SVOPL: variants seen among roughly 807,000 people sequenced by gnomAD.
SVOPL encodes the protein SVOP like, also known as putative transporter SVOPL.
In SVOPL, 60 loss-of-function variants were observed where a neutral mutation model predicts 61.0. The ratio of observed to expected loss-of-function variants is 0.98; its 90% CI spans 0.80 to 1.22. SVOPL has a LOEUF of 1.22. Among genes scored for constraint, SVOPL ranks in the 50% most tolerant of loss-of-function variants. SVOPL has a pLI of 0.00. For synonymous variants in SVOPL, 279 were observed against 250.0 expected, an observed-to-expected ratio of 1.12 and a Z score of -1.09; for missense variants, 662 against 643.9, an observed-to-expected ratio of 1.03 and a Z score of -0.30.
At chr7:138,692,888 T>TAA (rs1034297569) in intron 1 of SVOPL, among the ~76,000 whole-genome samples, 1 of 152,112 alleles carries the variant, frequency 6.6e-6, no homozygotes, top group Admixed American at 6.6e-5. Context: ...CAATTACATA[T>TAA]AACAAAGGTG....
chr7:138,596,321 A>T, intron 15 of SVOPL, 96 bp downstream of exon 15: 2 of 961,546 alleles, frequency 2.1e-6, no homozygotes, highest in Non-Finnish European at 3.1e-6. Flanking sequence ...ATGAATTATT[A>T]GTTATTTTAA....
intron 14 of SVOPL, among the ~76,000 whole-genome samples, chr7:138,598,802 AAAC>A (rs1231861410): frequency 6.6e-6 from 1 of 152,234 alleles, no homozygotes; most frequent in Non-Finnish European, 1.5e-5. Flanking sequence ...ACTTAGGAAT[AAAC>A]AAGAAATGTA....
At chr7:138,662,735 A>G in intron 5 of SVOPL, 1 of 1,106,016 alleles carries the variant, frequency 9.0e-7, no homozygotes, top group Non-Finnish European at 1.1e-6. Context: ...TAACCAACCC[A>G]TGACTGCTTC....
chr7:138,665,199 C>T (rs185178566), intron 4 of SVOPL, among the ~76,000 whole-genome samples: 1,553 of 136,860 alleles, frequency 0.011, 21 homozygotes, highest in South Asian at 0.05. Context: ...CTGATTTAAG[C>T]AACACACAAA....
chr7:138,655,939 G>A (rs1306346926), intron 7 of SVOPL, among the ~76,000 whole-genome samples: 1 of 152,118 alleles, frequency 6.6e-6, no homozygotes, highest in Non-Finnish European at 1.5e-5. Flanking sequence ...TTTGAAAGAG[G>A]TTCTCTACTG....
At chr7:138,684,838 G>C (rs1385323015) in intron 1 of SVOPL, among the ~76,000 whole-genome samples, 7 of 152,070 alleles carry the variant, frequency 4.6e-5, no homozygotes, top group Admixed American at 3.3e-4. Flanking sequence ...CATTATTCAT[G>C]ATAGCCAAAA....
intron 8 of SVOPL, among the ~76,000 whole-genome samples, chr7:138,646,932 A>G (rs545972356): frequency 2.6e-5 from 4 of 152,316 alleles, no homozygotes; most frequent in Admixed American, 6.5e-5. Context: ...GATTCTCAGC[A>G]AAAGTGCACT....
Position 138,620,119 on chromosome 7 carries a change from G to GTTTTTTTTTTTTTTTTTT in SVOPL, c.1353+926_1353+927insAAAAAAAAAAAAAAAAAA, listed in dbSNP as rs375556204. Among the ~76,000 whole-genome samples, 16 of 114,588 alleles carry GTTTTTTTTTTTTTTTTTT rather than the reference G, an allele frequency of 1.4e-4. 2 individuals are homozygous for GTTTTTTTTTTTTTTTTTT. The highest frequency in any genetic ancestry group is 2.2e-4 in the Non-Finnish European group (12 of 54,722). 75.2% of individuals were successfully genotyped at this position (114,588 alleles called of 152,430 possible). A position where few individuals can be genotyped will look rare whatever the true frequency, so the allele number is the denominator to read the frequency against. ...TTTTTTTCTTTTTTGTTTTTTTTCT[G>GTTTTTTTTTTTTTTTTTT]TTTTGTTTTTTTTTTTTTTTTGAGA... On this transcript the variant is annotated intron_variant, in intron 14 of 15. Coordinates refer to ENST00000674285, the MANE Select transcript of SVOPL (RefSeq NM_001139456.2).
intron 13 of SVOPL, among the ~76,000 whole-genome samples, chr7:138,622,018 GTATCTATC>G (rs71179706): frequency 1.1e-3 from 24 of 22,718 alleles, no homozygotes; most frequent in Non-Finnish European, 1.5e-3. Flanking sequence ...ATCTATCTAT[GTATCTATC>G]TATCTATCTA....
chr7:138,659,567 C>T (rs1313289738), intron 6 of SVOPL, among the ~76,000 whole-genome samples: 2 of 151,992 alleles, frequency 1.3e-5, no homozygotes, highest in South Asian at 2.1e-4. Context: ...GTTGTCCTGC[C>T]CTTCCAGATG....
At chr7:138,637,438 A>C (rs546447291) in intron 9 of SVOPL, among the ~76,000 whole-genome samples, 6 of 25,438 alleles carry the variant, frequency 2.4e-4, no homozygotes, top group South Asian at 2.0e-3. Context: ...ATATATATAT[A>C]TATAGATAGA....
intron 1 of SVOPL, among the ~76,000 whole-genome samples, chr7:138,700,665 T>C (rs1392995647): frequency 7.4e-6 from 1 of 135,628 alleles, no homozygotes. Context: ...CTAAATCCTT[T>C]CTAACCCAGT....
intron 3 of SVOPL, among the ~76,000 whole-genome samples, chr7:138,674,353 T>G (rs1236788162): frequency 6.6e-6 from 1 of 151,954 alleles, no homozygotes; most frequent in African/African-American, 2.4e-5. Flanking sequence ...AATAAGGGCC[T>G]GAACAGGTGG....
At chr7:138,660,328 G>A (rs982428783) in intron 5 of SVOPL, 2 of 1,047,404 alleles carry the variant, frequency 1.9e-6, no homozygotes, top group Non-Finnish European at 2.3e-6. Flanking sequence ...AGTATGTTGG[G>A]AGGAGTACAA....
Position 138,649,055 on chromosome 7 carries a change from C to G in SVOPL, c.617G>C (p.Arg206Pro). Residue 206 changes from arginine (R) to proline (P), a missense_variant, in exon 8 of 16, where the codon CGC becomes CCC. Arg to Pro is a moderately radical substitution (Grantham distance 103, BLOSUM62 -2). Transcript: ENST00000674285. Reference sequence around the variant, plus strand: ...GATGATGCCCGGGATGGAGGCGACGCGAATGAGCCAGCGCCACCCGATGGT... The same window carrying G: ...GATGATGCCCGGGATGGAGGCGACGGGAATGAGCCAGCGCCACCCGATGGT... The part of the protein sequence containing the change: ...IPTIGWRWLI[R>P]VASIPGIILI... 6.2e-7 allele frequency: 1 copy of G among 1,613,754 alleles called. No individual in the cohort carries two copies. Among genetic ancestry groups the G allele is most frequent in the Middle Eastern group, 1.7e-4 (1 of 6,058 alleles).
chr7:138,606,479 A>T (rs889465178), intron 14 of SVOPL, among the ~76,000 whole-genome samples: 12 of 152,120 alleles, frequency 7.9e-5, no homozygotes, highest in African/African-American at 2.7e-4. Context: ...GGTATGTCTC[A>T]GGCAAGCCTC....
chr7:138,640,908 A>T (rs530282102), intron 9 of SVOPL, among the ~76,000 whole-genome samples: 1 of 152,176 alleles, frequency 6.6e-6, no homozygotes, highest in South Asian at 2.1e-4. Flanking sequence ...CCCTGAATCT[A>T]AAATAAGAGT....
Position 138,675,393 on chromosome 7 carries a change from G to A in SVOPL, c.174+3041C>T, listed in dbSNP as rs929085145. Among the ~76,000 whole-genome samples, 8 of 151,858 alleles carry A rather than the reference G, an allele frequency of 5.3e-5. No individual in the cohort carries two copies. The East Asian group carries it at 1.5e-3, about 29-fold the overall frequency. On this transcript the variant is annotated intron_variant, in intron 3 of 15. Coordinates refer to ENST00000674285, the MANE Select transcript of SVOPL (RefSeq NM_001139456.2). ...AACTGAGACTGAGTCTTGCTGTGTTGCCCAGGCTAGAGTACAGTGGCGCGA... is the reference window on the plus strand; with the variant it reads ...AACTGAGACTGAGTCTTGCTGTGTTACCCAGGCTAGAGTACAGTGGCGCGA...
At chr7:138,611,857 T>G (rs1382798678) in intron 14 of SVOPL, among the ~76,000 whole-genome samples, 29 of 76,326 alleles carry the variant, frequency 3.8e-4, no homozygotes, top group Non-Finnish European at 5.1e-4. Flanking sequence ...GTGCCGAGAT[T>G]GCAGCCTCTG....
Sources: allele counts gnomAD v4.1 joint callset (sites outside exome capture counted in the v4.1 genomes callset), GRCh38; gene constraint gnomAD v4.1.1; transcripts MANE v1.5; gene names NCBI Gene and HGNC (gene_info 2026-07-23, HGNC 2026-07-21).